The following HS2ST1 variants were observed in gnomAD, a reference collection of about 807,000 sequenced individuals.
The protein encoded by HS2ST1 is 2-O-sulfotransferase.
HS2ST1 carries 18 observed loss-of-function variants against 42.9 expected under a neutral mutation model. The ratio of observed to expected loss-of-function variants is 0.42; its 90% confidence interval spans 0.29 to 0.62. HS2ST1 has a LOEUF of 0.62. Ranked by LOEUF, HS2ST1 falls within the 20% of genes least tolerant of loss-of-function variation. The pLI, the probability that HS2ST1 is intolerant of heterozygous loss-of-function variation, is 0.21. For synonymous variants in HS2ST1, 146 were observed against 152.9 expected (o/e 0.95, Z 0.33); for missense variants, 334 against 433.8 (o/e 0.77, Z 2.04).
intron 1 of HS2ST1, among the ~76,000 whole-genome samples, chr1:86,951,184 G>T (rs1647503209): frequency 6.6e-6 from 1 of 152,174 alleles, no homozygotes; most frequent in Non-Finnish European, 1.5e-5. Flanking sequence ...TTACATATCA[G>T]TTCTCTAGGA....
At chr1:87,058,821 G>A (rs971710862) in intron 1 of HS2ST1, among the ~76,000 whole-genome samples, 2 of 151,578 alleles carry the variant, frequency 1.3e-5, no homozygotes, top group African/African-American at 4.9e-5. Context: ...TGGCACTTTG[G>A]GAGGCCGAGG....
At chr1:87,060,367 G>C (rs916492609) in intron 1 of HS2ST1, among the ~76,000 whole-genome samples, 1 of 152,138 alleles carries the variant, frequency 6.6e-6, no homozygotes, top group Non-Finnish European at 1.5e-5. Flanking sequence ...TTGTAGTGCT[G>C]TATTTAACTA....
At chr1:87,058,887 A>G (rs754504902) in intron 1 of HS2ST1, among the ~76,000 whole-genome samples, 7 of 151,606 alleles carry the variant, frequency 4.6e-5, no homozygotes, top group Non-Finnish European at 1.0e-4. Flanking sequence ...GTGAAACTCC[A>G]TCTCTACTAA....
At chr1:86,961,124 GCA>G (rs1647831530) in intron 1 of HS2ST1, among the ~76,000 whole-genome samples, 1 of 128,720 alleles carries the variant, frequency 7.8e-6, no homozygotes, top group African/African-American at 2.9e-5. Context: ...GAAAAGACAT[GCA>G]CAGAGTCTAT....
intron 1 of HS2ST1, among the ~76,000 whole-genome samples, chr1:87,011,139 G>C (rs1649588239): frequency 6.6e-6 from 1 of 151,874 alleles, no homozygotes; most frequent in African/African-American, 2.4e-5. Flanking sequence ...AAATAATTCT[G>C]AACATAAAAA....
rs564713905 is a variant in HS2ST1, at chr1:86,919,618, C to T, written c.124+4458C>T. On this transcript the variant is annotated intron_variant, in intron 1 of 6. Transcript: ENST00000370550. ...CATTAATCAGAGATTCTTTAAACCT[C>T]GGGGACCCATAAATAGGCTTCAAGG... is the stretch of plus-strand genomic sequence containing the variant. 1.6e-3 allele frequency among the ~76,000 whole-genome samples: 242 copies of T among 152,156 alleles called. 1 individual carries two copies. The highest frequency in any genetic ancestry group is 5.4e-3 in the African/African-American group (226 of 41,522).
intron 1 of HS2ST1, among the ~76,000 whole-genome samples, chr1:87,029,654 TAATACTC>T (rs1320050036): frequency 1.3e-5 from 2 of 152,206 alleles, no homozygotes; most frequent in South Asian, 2.1e-4. Flanking sequence ...ATGGGAAAAT[TAATACTC>T]AATACTGAGT....
intron 1 of HS2ST1, among the ~76,000 whole-genome samples, chr1:86,982,349 CA>C (rs1280807400): frequency 6.6e-6 from 1 of 152,212 alleles, no homozygotes; most frequent in Non-Finnish European, 1.5e-5. Flanking sequence ...CACGTTTCTG[CA>C]GCTGGCTTGA....
intron 1 of HS2ST1, among the ~76,000 whole-genome samples, chr1:87,019,545 T>G (rs149989880): frequency 6.6e-6 from 1 of 152,220 alleles, no homozygotes; most frequent in Non-Finnish European, 1.5e-5. Flanking sequence ...ATTTATATTC[T>G]TATGTCACAT....
At chr1:86,968,087 A>G (rs1049651770) in intron 1 of HS2ST1, among the ~76,000 whole-genome samples, 3 of 152,084 alleles carry the variant, frequency 2.0e-5, no homozygotes, top group Admixed American at 1.3e-4. Flanking sequence ...GGCCATTTGT[A>G]TATCTTCTTT....
chr1:87,046,469 A>G, intron 1 of HS2ST1: 1 of 1,088,756 alleles, frequency 9.2e-7, no homozygotes, highest in Non-Finnish European at 1.4e-6. Context: ...ACGTATTTCC[A>G]CTAAGGAATG....
chr1:87,057,776 GGGAGGC>G (rs1381654544), intron 1 of HS2ST1, among the ~76,000 whole-genome samples: 1 of 150,032 alleles, frequency 6.7e-6, no homozygotes, highest in Non-Finnish European at 1.5e-5. Context: ...GCGTGAACCC[GGGAGGC>G]GGAGCTTGCA....
intron 4 of HS2ST1, among the ~76,000 whole-genome samples, chr1:87,096,955 A>G (rs1002818238): frequency 7.2e-5 from 11 of 152,378 alleles, no homozygotes; most frequent in Admixed American, 5.9e-4. Flanking sequence ...TAATAAAACC[A>G]CTTTTTAGAA....
chr1:87,070,601 A>G (rs1651378033), intron 1 of HS2ST1, among the ~76,000 whole-genome samples: 1 of 152,120 alleles, frequency 6.6e-6, no homozygotes, highest in Admixed American at 6.5e-5. Flanking sequence ...CAAAAAAATA[A>G]TAATAATGTT....
intron 1 of HS2ST1, chr1:87,064,624 T>G (rs1557533447): frequency 2.2e-6 from 1 of 463,316 alleles, no homozygotes; most frequent in African/African-American, 2.0e-5. Context: ...ATTTTGTTAG[T>G]CCCCCATGGT....
chr1:87,091,579 A>G (rs1651945009), intron 3 of HS2ST1, among the ~76,000 whole-genome samples: 1 of 152,036 alleles, frequency 6.6e-6, no homozygotes, highest in African/African-American at 2.4e-5. Flanking sequence ...GAATGTTAGA[A>G]AACTATATTC....
At chr1:86,929,000 A>G (rs1182425377) in intron 1 of HS2ST1, among the ~76,000 whole-genome samples, 1 of 151,926 alleles carries the variant, frequency 6.6e-6, no homozygotes, top group African/African-American at 2.4e-5. Context: ...GTAAGCCATC[A>G]TGACCTCTGA....
intron 1 of HS2ST1, among the ~76,000 whole-genome samples, chr1:87,021,518 T>G (rs368485096): frequency 6.6e-5 from 10 of 151,938 alleles, no homozygotes; most frequent in African/African-American, 2.4e-4. Context: ...GGTGGTGGTG[T>G]TATTTATTTA....
intron 1 of HS2ST1, among the ~76,000 whole-genome samples, chr1:86,971,901 G>A (rs1339243896): frequency 1.3e-5 from 2 of 152,038 alleles, no homozygotes; most frequent in East Asian, 3.9e-4. Flanking sequence ...CAGAATTACT[G>A]GCTTTGTGTT....
Sources: gnomAD v4.1 joint callset for allele counts (sites outside exome capture counted in the v4.1 genomes callset) on GRCh38, gnomAD v4.1.1 for gene constraint, MANE v1.5 for transcripts, NCBI Gene and HGNC (gene_info 2026-07-23, HGNC 2026-07-21) for gene names.